PLXNA2: variants seen among roughly 807,000 people sequenced by gnomAD.
PLXNA2 encodes plexin A2, also known as plexin-A2.
A neutral mutation model predicts 193.5 loss-of-function variants in PLXNA2; 91 were observed. That is an observed-to-expected ratio of 0.47 (90% confidence interval 0.40 to 0.56). The LOEUF (loss-of-function observed/expected upper bound fraction) is 0.56, where lower values mean the gene tolerates loss of function less well. Ranked by LOEUF, PLXNA2 falls within the 20% of genes least tolerant of loss-of-function variation. The pLI, the probability that PLXNA2 is intolerant of heterozygous loss-of-function variation, is 0.00. For synonymous variants in PLXNA2, 997 were observed against 1,027.3 expected (o/e 0.97, Z 0.56); for missense variants, 1,995 against 2,503.2 (o/e 0.80, Z 4.33).
chr1:208,028,246 T>C lies in PLXNA2; in HGVS notation c.5439-87A>G, dbSNP rs893342658. The C allele has an allele frequency of 2.5e-5, 32 of 1,279,840 alleles. No individual in the cohort carries two copies. Among genetic ancestry groups the C allele is most frequent in the Non-Finnish European group, 3.4e-5 (32 of 930,960 alleles). The allele number at this position is 1,279,840 out of a possible 1,614,324, so 79.3% of individuals were successfully genotyped here. A position where few individuals can be genotyped will look rare whatever the true frequency, so the allele number is the denominator to read the frequency against. The stretch of plus-strand genomic sequence containing the variant: ...CCGGGCCCAGGTCCTTCGAGGGCAC[T>C]GATGTACCCAGTTGCTCCTGCCTCC... On this transcript the variant is annotated intron_variant, in intron 30 of 31. Coordinates refer to ENST00000367033, the MANE Select transcript of PLXNA2 (RefSeq NM_025179.4). The surrounding 1 kb of genome is among the most constrained non-coding windows in gnomAD (Gnocchi z 4.2).
chr1:208,023,294 G>A lies in PLXNA2; in HGVS notation c.*3949C>T, dbSNP rs2102352021. ...GGAAAAAAAGACGGCCTCTCCTGGA[G>A]CAGCTGCTGGATCAGTATTTACCAG... On this transcript the variant is annotated 3_prime_UTR_variant, in exon 32 of 32. Transcript: ENST00000367033. 1 of 152,766 alleles carries A rather than the reference G, an allele frequency of 6.5e-6. No homozygotes were observed. Among genetic ancestry groups the A allele is most frequent in the East Asian group, 1.9e-4 (1 of 5,180 alleles). 9.5% of individuals were successfully genotyped at this position (152,766 alleles called of 1,614,324 possible).
At chr1:208,066,055 A>C (rs949113324) in intron 12 of PLXNA2, among the ~76,000 whole-genome samples, 1 of 151,626 alleles carries the variant, frequency 6.6e-6, no homozygotes, top group Non-Finnish European at 1.5e-5. Context: ...TGTGTGAGTG[A>C]GTGTGTGTGT....
rs1664343725 is a variant in PLXNA2 at position 208,026,471 on chromosome 1, G to C, written c.*772C>G. Reference sequence around the variant, plus strand: ...AAAAGATGAGAATATACAGGTGTGTGGTAGATAAAGCTCAGTTTCCAGTCA... The same window carrying C: ...AAAAGATGAGAATATACAGGTGTGTCGTAGATAAAGCTCAGTTTCCAGTCA... On this transcript the variant is annotated 3_prime_UTR_variant, in exon 32 of 32. Transcript: ENST00000367033. 6.6e-6 allele frequency: 1 copy of C among 152,244 alleles called. No homozygotes were observed. The highest frequency in any genetic ancestry group is 1.5e-5 in the Non-Finnish European group (1 of 68,060). 9.4% of individuals were successfully genotyped at this position (152,244 alleles called of 1,614,324 possible).
At chr1:208,237,102 G>T (rs534437386) in intron 1 of PLXNA2, among the ~76,000 whole-genome samples, 1 of 152,296 alleles carries the variant, frequency 6.6e-6, no homozygotes, top group South Asian at 2.1e-4. Flanking sequence ...GCTTAAAGCA[G>T]AATGGCTACC....
Position 208,161,867 on chromosome 1 carries a change from C to T in PLXNA2, c.1372-19404G>A, listed in dbSNP as rs547032533. ...GCCAAAATCTGTACTTTATTAATTA[C>T]GCGTCAACTACTCTGTGTCATGTTT... On this transcript the variant is annotated intron_variant, in intron 3 of 31. Coordinates refer to ENST00000367033, the MANE Select transcript of PLXNA2 (RefSeq NM_025179.4). Among the ~76,000 whole-genome samples the T allele has an allele frequency of 2.0e-3, 297 of 152,278 alleles. 4 individuals are homozygous for T. Among genetic ancestry groups the T allele is most frequent in the Non-Finnish European group, 2.2e-3 (153 of 68,028 alleles).
intron 14 of PLXNA2, 26 bp from the exon 15 acceptor site, chr1:208,052,489 T>C: frequency 6.2e-7 from 1 of 1,612,310 alleles, no homozygotes; most frequent in East Asian, 2.2e-5. Context: ...GAGAAATGAC[T>C]ACAGCTTAGG....
At chr1:208,150,980 C>T (rs1668745793) in intron 3 of PLXNA2, among the ~76,000 whole-genome samples, 1 of 152,144 alleles carries the variant, frequency 6.6e-6, no homozygotes, top group African/African-American at 2.4e-5. Context: ...TTAGTCCAAC[C>T]CCACCTTTAA....
intron 3 of PLXNA2, among the ~76,000 whole-genome samples, chr1:208,169,797 G>C (rs1413477644): frequency 1.3e-5 from 2 of 151,846 alleles, no homozygotes; most frequent in Admixed American, 6.5e-5. Flanking sequence ...ATAGCCTTGG[G>C]CAAATCACTT....
chr1:208,044,722 C>T lies in PLXNA2; in HGVS notation c.3660G>A (p.Val1220=). The T allele has an allele frequency of 6.2e-7, 1 of 1,613,854 alleles. No homozygotes were observed. Among genetic ancestry groups the T allele is most frequent in the Non-Finnish European group, 8.5e-7 (1 of 1,179,920 alleles). The change falls in exon 20 of 32, where the codon GTG becomes GTA. Residue 1220 remains valine, a synonymous_variant. Coordinates refer to ENST00000367033, the MANE Select transcript of PLXNA2 (RefSeq NM_025179.4). This position sits in a 1 kb window ranked among gnomAD's most constrained non-coding sequence, Gnocchi z 4.9. The stretch of plus-strand genomic sequence containing the variant: ...TGACACTCACCGAGCCAGGCGAGAA[C>T]ACCATCCCGCCCACGTGAACCTGTG... The part of the protein sequence containing the change: ...HKVMVHVGGM[V]FSPGSVSVIS...
Position 208,108,811 on chromosome 1 carries a change from G to A in PLXNA2, c.1507-5564C>T, listed in dbSNP as rs1439897324. 2.0e-5 allele frequency among the ~76,000 whole-genome samples: 3 copies of A among 152,216 alleles called. No individual in the cohort carries two copies. In the East Asian group the frequency reaches 5.8e-4, roughly 29 times the overall value. Reference sequence around the variant, plus strand: ...TAGGACAGATGCCACAATAGAAGTAGAACCAGGACCGTCGTGGCTCAGAGG... The same window carrying A: ...TAGGACAGATGCCACAATAGAAGTAAAACCAGGACCGTCGTGGCTCAGAGG... On this transcript the variant is annotated intron_variant, in intron 4 of 31. Transcript: ENST00000367033.
intron 11 of PLXNA2, among the ~76,000 whole-genome samples, chr1:208,081,122 AG>A (rs1391854453): frequency 7.9e-5 from 12 of 152,242 alleles, no homozygotes; most frequent in Non-Finnish European, 1.5e-4. Context: ...TCTAAGCTCC[AG>A]GTGCTAAGGC....
intron 4 of PLXNA2, among the ~76,000 whole-genome samples, chr1:208,121,226 G>T (rs1159849377): frequency 6.6e-6 from 1 of 152,092 alleles, no homozygotes; most frequent in Non-Finnish European, 1.5e-5. Context: ...CTTAGGAGAG[G>T]GGGCCTGGTC....
At position 208,038,485 on chromosome 1, in the gene PLXNA2, G is replaced by A. The variant is rs1664746590; in HGVS notation, c.4661-11C>T. ...GGCCTTGGCGCCACTCTGGGTGGAG[G>A]GGGTGGTGCAGGGAGCGGCGTGAGA... On this transcript the variant is annotated splice_polypyrimidine_tract_variant and intron_variant, in intron 25 of 31. Transcript: ENST00000367033. The surrounding 1 kb of genome is among the most constrained non-coding windows in gnomAD (Gnocchi z 4.1). The A allele has an allele frequency of 6.2e-7, 1 of 1,607,068 alleles. No individual in the cohort carries two copies. The highest frequency in any genetic ancestry group is 1.3e-5 in the African/African-American group (1 of 74,702).
chr1:208,084,400 C>T lies in PLXNA2; in HGVS notation c.2278G>A (p.Val760Ile), dbSNP rs749597067. ...VPALRFNSSS[V>I]QCQNSSYQYD... ...CTTACCGAGCTGTTCTGACACTGAA[C>T]GCTGGAGCTGTTGAAGCGCAGAGCG... The change falls in exon 10 of 32, where the codon GTT becomes ATT. Residue 760 changes from valine (V) to isoleucine (I), a missense_variant. Coordinates refer to ENST00000367033, the MANE Select transcript of PLXNA2 (RefSeq NM_025179.4). The T allele has an allele frequency of 9.3e-6, 15 of 1,614,142 alleles. 1 individual carries two copies. The highest frequency in any genetic ancestry group is 5.0e-5 in the Admixed American group (3 of 60,014).
At chr1:208,182,394 C>T (rs1446777637) in intron 3 of PLXNA2, among the ~76,000 whole-genome samples, 1 of 152,214 alleles carries the variant, frequency 6.6e-6, no homozygotes, top group South Asian at 2.1e-4. Context: ...GATCGCGCCA[C>T]TGCACTCCAG....
In PLXNA2 at chr1:208,040,026, T is replaced by C. The variant is rs962138557; in HGVS notation, c.4319A>G (p.Asn1440Ser). The change falls in exon 23 of 32, where the codon AAT becomes AGT. Residue 1440 changes from asparagine to serine, a missense_variant. Transcript: ENST00000367033. ...TESVAEKMLT[N>S]WFAFLLHKFL... ...CTTGTGCAGGAGGAAGGCGAACCAA[T>C]TGGTCAGCATCTTTTCAGCCACAGA... 1.2e-6 allele frequency: 2 copies of C among 1,613,974 alleles called. No homozygotes were observed. The highest frequency in any genetic ancestry group is 1.3e-5 in the African/African-American group (1 of 74,910).
At position 208,152,970 on chromosome 1, in the gene PLXNA2, TCTTGGCACAGTTA is replaced by T. The variant is rs1558218458; in HGVS notation, c.1372-10520_1372-10508del. ...GAACTCCCATAGCACCTAGAATGTCTCTTGGCACAGTTACTTGTAAACATATGCAGTCATCTTT... is the reference window on the plus strand; with the variant it reads ...GAACTCCCATAGCACCTAGAATGTCTCTTGTAAACATATGCAGTCATCTTT... On this transcript the variant is annotated intron_variant, in intron 3 of 31. Coordinates refer to ENST00000367033, the MANE Select transcript of PLXNA2 (RefSeq NM_025179.4). Among the ~76,000 whole-genome samples the T allele has an allele frequency of 1.2e-3, 182 of 152,246 alleles. 1 individual carries two copies. Among genetic ancestry groups the T allele is most frequent in the African/African-American group, 4.2e-3 (176 of 41,538 alleles).
At chr1:208,129,013 C>A (rs1668063032) in intron 4 of PLXNA2, among the ~76,000 whole-genome samples, 2 of 152,150 alleles carry the variant, frequency 1.3e-5, no homozygotes, top group Admixed American at 6.5e-5. Flanking sequence ...TCTTGAGTAC[C>A]TACTAAGTAC....
At chr1:208,042,911 T>C (rs1444764749) in intron 21 of PLXNA2, 150 bp downstream of exon 21, 1 of 721,554 alleles carries the variant, frequency 1.4e-6, no homozygotes, top group Non-Finnish European at 2.2e-6. Context: ...GTAACCTTCC[T>C]GATAGCTCTG....
Sources: gnomAD v4.1 joint callset for allele counts (sites outside exome capture counted in the v4.1 genomes callset) on GRCh38, gnomAD v4.1.1 for gene constraint, Gnocchi (gnomAD v3.1) non-coding constraint, MANE v1.5 for transcripts, NCBI Gene and HGNC (gene_info 2026-07-23, HGNC 2026-07-21) for gene names.